Variants in BRD8 observed in about 807,000 individuals in gnomAD.
The protein encoded by BRD8 is bromodomain containing 8, also known as bromodomain-containing protein 8.
BRD8 carries 67 observed loss-of-function variants against 143.1 expected under a neutral mutation model. The ratio of observed to expected loss-of-function variants is 0.47; its 90% CI spans 0.38 to 0.57. The LOEUF (loss-of-function observed/expected upper bound fraction) is 0.57. Among genes scored for constraint, BRD8 ranks in the 20% least tolerant of loss-of-function variants. BRD8 has a pLI of 0.00. For missense variants in BRD8, 1,103 were observed against 1,503.0 expected (o/e 0.73, Z 4.40); for synonymous variants, 505 against 517.1 (o/e 0.98, Z 0.32).
At chr5:138,178,120 G>A (rs1273411615) in intron 1 of BRD8, among the ~76,000 whole-genome samples, 1 of 152,058 alleles carries the variant, frequency 6.6e-6, no homozygotes, top group African/African-American at 2.4e-5. Context: ...CAAATGTCGG[G>A]GGTAAAAGAG....
intron 9 of BRD8, among the ~76,000 whole-genome samples, chr5:138,167,273 A>AC: frequency 6.6e-6 from 1 of 151,854 alleles, no homozygotes; most frequent in East Asian, 1.9e-4. Context: ...GTCTCAAAAA[A>AC]AACAACAACA....
rs746648828 is a variant in BRD8 at position 138,166,539 on chromosome 5, T to C, written c.976A>G (p.Thr326Ala). Residue 326 changes from threonine to alanine, a missense_variant, in exon 10 of 27, where the codon ACT becomes GCT. Thr to Ala is a moderately conservative substitution (Grantham distance 58). Transcript: ENST00000254900. ...PAPSSAPAVS[T>A]TESVAPVSQP... is the part of the protein sequence containing the mutation. ...GCACCTGGAGCTACACTTTCAGTAG[T>C]GGAGACAGCCGGAGCAGAGGATGGT... 3 of 1,612,612 alleles carry C rather than the reference T, an allele frequency of 1.9e-6. No individual in the cohort carries two copies. The highest frequency in any genetic ancestry group is 2.7e-5 in the African/African-American group (2 of 74,896).
At chr5:138,167,873 G>C in intron 9 of BRD8, 61 bp downstream of exon 9, 1 of 1,458,380 alleles carries the variant, frequency 6.9e-7, no homozygotes, top group Non-Finnish European at 9.6e-7. Flanking sequence ...CAGTGAAACT[G>C]AGGTCAGTCA....
chr5:138,171,201 A>AT (rs1753839371), intron 4 of BRD8, 41 bp from the exon 5 acceptor site: 1 of 1,578,682 alleles, frequency 6.3e-7, no homozygotes. Context: ...TTCAAATAAC[A>AT]TAACATTTAT....
At chr5:138,171,834 C>T (rs1461098139) in intron 3 of BRD8, among the ~76,000 whole-genome samples, 1 of 152,060 alleles carries the variant, frequency 6.6e-6, no homozygotes, top group African/African-American at 2.4e-5. Context: ...ATAATGAACC[C>T]AGATCTAATT....
chr5:138,142,056 G>A (rs1394305412), intron 25 of BRD8, among the ~76,000 whole-genome samples: 1 of 152,134 alleles, frequency 6.6e-6, no homozygotes, highest in Non-Finnish European at 1.5e-5. Context: ...TTAAGAGGTG[G>A]AGCCTTTGGG....
At chr5:138,165,726 C>CAAAAAAAAAAAAAAAAAAAAAAAAAAAAA (rs374362323) in intron 11 of BRD8, 102 bp downstream of exon 11, 2 of 833,916 alleles carry the variant, frequency 2.4e-6, no homozygotes, top group African/African-American at 3.1e-5. Context: ...ACTCTGTCTC[C>CAAAAAAAAAAAAAAAAAAAAAAAAAAAAA]AAAAAAAAAA....
intron 25 of BRD8, among the ~76,000 whole-genome samples, chr5:138,143,724 C>G (rs921892409): frequency 1.3e-5 from 2 of 152,030 alleles, no homozygotes; most frequent in African/African-American, 2.4e-5. Flanking sequence ...CGCTCTGTGT[C>G]TAGCTAAAGC....
intron 20 of BRD8, among the ~76,000 whole-genome samples, chr5:138,156,574 G>A (rs548471695): frequency 6.6e-6 from 1 of 152,268 alleles, no homozygotes; most frequent in South Asian, 2.1e-4. Context: ...TGCTACCTAT[G>A]TCCATGCTCT....
chr5:138,168,623 A>G, intron 8 of BRD8: 1 of 1,604,760 alleles, frequency 6.2e-7, no homozygotes, highest in Admixed American at 1.8e-5. Context: ...CAGAGCCTGG[A>G]GGAAGGGTGT....
intron 8 of BRD8, 130 bp from the exon 9 acceptor site, chr5:138,168,208 C>T (rs1753598432): frequency 1.4e-6 from 1 of 731,066 alleles, no homozygotes; most frequent in Non-Finnish European, 2.3e-6. Context: ...TAATTTAAGA[C>T]CCAAGGGAAA....
chr5:138,140,329 C>T (rs1751851850), intron 26 of BRD8, among the ~76,000 whole-genome samples, 163 bp from the exon 27 acceptor site: 1 of 152,192 alleles, frequency 6.6e-6, no homozygotes, highest in Non-Finnish European at 1.5e-5. Context: ...TATATCTTAT[C>T]CCCTAAAGAT....
At chr5:138,170,632 T>A in intron 6 of BRD8, 200 bp downstream of exon 6, 1 of 777,398 alleles carries the variant, frequency 1.3e-6, no homozygotes, top group Admixed American at 1.9e-5. Context: ...TAAGTTATGT[T>A]TTCATACTGA....
Position 138,150,832 on chromosome 5 carries a change from C to T in BRD8, c.3033G>A (p.Lys1011=), listed in dbSNP as rs147784785. 21 of 1,614,142 alleles carry T rather than the reference C, an allele frequency of 1.3e-5. No individual in the cohort carries two copies. The highest frequency in any genetic ancestry group is 1.5e-5 in the Non-Finnish European group (18 of 1,180,056). ...SAKGDPLVAE[K]PLGENGKPEV... ...CTGGCTTTCCATTTTCTCCCAGTGGCTTTTCAGCTACTAAGGGGTCTCCTT... is the reference window on the plus strand; with the variant it reads ...CTGGCTTTCCATTTTCTCCCAGTGGTTTTTCAGCTACTAAGGGGTCTCCTT... Residue 1011 remains lysine (K), a synonymous_variant, in exon 22 of 27, where the codon AAG becomes AAA. Coordinates refer to ENST00000254900, the MANE Select transcript of BRD8 (RefSeq NM_139199.2).
rs1475773097 is a variant in BRD8, at chr5:138,169,334, G to A, written c.530C>T (p.Pro177Leu). 3 of 1,614,002 alleles carry A rather than the reference G, an allele frequency of 1.9e-6. No homozygotes were observed. The African/African-American group carries it at 4.0e-5, about 22-fold the overall frequency. The part of the protein sequence containing the change: ...YQARQAVKTP[P>L]RRLPTVMVRS... Reference sequence around the variant, plus strand: ...AACCATCACAGTGGGTAACCTCCGGGGGGGTGTTTTTACTGCTTGACGAGC... The same window carrying A: ...AACCATCACAGTGGGTAACCTCCGGAGGGGTGTTTTTACTGCTTGACGAGC... Residue 177 changes from proline (P) to leucine (L), a missense_variant, in exon 8 of 27, where the codon CCC becomes CTC. This residue lies in a region of BRD8 where 334 missense variants were observed against 372.5 expected (regional missense o/e 0.90). Transcript: ENST00000254900.
At chr5:138,158,631 C>T (rs1412199344) in intron 20 of BRD8, among the ~76,000 whole-genome samples, 9 of 148,548 alleles carry the variant, frequency 6.1e-5, no homozygotes, top group African/African-American at 2.2e-4. Flanking sequence ...TTAGTAGAGA[C>T]GGGGTTTTTA....
rs774725975 is a variant in BRD8 at position 138,171,372 on chromosome 5, A to C, written c.225T>G (p.Thr75=). ...ASQYSELLET[T]ETPKRKRGEK... ...GGCTTTGTACTCACTTTGGTGTCTCAGTGGTCTCTAAAAGCTCCGAGTACT... is the reference window on the plus strand; with the variant it reads ...GGCTTTGTACTCACTTTGGTGTCTCCGTGGTCTCTAAAAGCTCCGAGTACT... The change falls in exon 4 of 27, where the codon ACT becomes ACG. Residue 75 remains threonine, a synonymous_variant. Coordinates refer to ENST00000254900, the MANE Select transcript of BRD8 (RefSeq NM_139199.2). 6.2e-7 allele frequency: 1 copy of C among 1,607,710 alleles called. No homozygotes were observed. The highest frequency in any genetic ancestry group is 8.5e-7 in the Non-Finnish European group (1 of 1,177,520).
At chr5:138,173,690 AC>A (rs1447149702) in intron 2 of BRD8, among the ~76,000 whole-genome samples, 1 of 152,010 alleles carries the variant, frequency 6.6e-6, no homozygotes, top group Non-Finnish European at 1.5e-5. Flanking sequence ...CTGCAGCCCC[AC>A]CCAAGTAGCT....
chr5:138,157,185 T>C (rs375727517), intron 20 of BRD8: 2 of 1,612,052 alleles, frequency 1.2e-6, no homozygotes, highest in African/African-American at 2.7e-5. Context: ...TAGGTTCGGC[T>C]CAAAGAGGGT....
Sources: gnomAD v4.1 joint callset for allele counts (sites outside exome capture counted in the v4.1 genomes callset) on GRCh38, gnomAD v4.1.1 for gene constraint, gnomAD v4.1.1 regional missense constraint, MANE v1.5 for transcripts, NCBI Gene and HGNC (gene_info 2026-07-23, HGNC 2026-07-21) for gene names.